DNAJC18: variants seen among roughly 807,000 people sequenced by gnomAD.
DNAJC18 encodes dnaJ homolog subfamily C member 18.
Under a neutral mutation model 48.6 loss-of-function variants are expected in DNAJC18, and 40 were observed. That is an observed-to-expected ratio of 0.82 (90% CI 0.64 to 1.07). DNAJC18 has a LOEUF of 1.07. DNAJC18 is among the 50% of genes least tolerant of loss of function. The pLI, the probability that DNAJC18 is intolerant of heterozygous loss-of-function variation, is 0.00. For synonymous variants in DNAJC18, 135 were observed against 152.2 expected (o/e 0.89, Z 0.83); for missense variants, 340 against 427.7 (o/e 0.79, Z 1.81).
At chr5:139,424,628 G>A (rs1759205413) in intron 5 of DNAJC18, among the ~76,000 whole-genome samples, 1 of 149,712 alleles carries the variant, frequency 6.7e-6, no homozygotes, top group Admixed American at 6.7e-5. Flanking sequence ...GCTGAGGTGG[G>A]AGGATTGGTT....
At chr5:139,429,147 G>A (rs972488955) in intron 2 of DNAJC18, among the ~76,000 whole-genome samples, 4 of 146,276 alleles carry the variant, frequency 2.7e-5, no homozygotes, top group African/African-American at 1.0e-4. Flanking sequence ...GCAATGGCGC[G>A]ATCTCAGCTC....
At chr5:139,420,844 G>A (rs932284700) in intron 6 of DNAJC18, among the ~76,000 whole-genome samples, 12 of 151,808 alleles carry the variant, frequency 7.9e-5, no homozygotes, top group Non-Finnish European at 1.2e-4. Context: ...CTAACCATAA[G>A]GAAACATAGA....
intron 2 of DNAJC18, among the ~76,000 whole-genome samples, chr5:139,435,632 T>G (rs543800492): frequency 6.6e-6 from 1 of 151,682 alleles, no homozygotes; most frequent in East Asian, 1.9e-4. Flanking sequence ...TATTTTTGTC[T>G]GGTTTTGGTT....
rs1759018363 is a variant in DNAJC18 at position 139,413,162 on chromosome 5, C to G, written c.*986G>C. On this transcript the variant is annotated 3_prime_UTR_variant, in exon 8 of 8. Transcript: ENST00000302060. The stretch of plus-strand genomic sequence containing the variant: ...ATGTTGAATGAATGAAAAATCATCT[C>G]AAATCACAAACTATAGGATACTGGG... 1 of 340,494 alleles carries G rather than the reference C, an allele frequency of 2.9e-6. No individual in the cohort carries two copies. Among genetic ancestry groups the G allele is most frequent in the South Asian group, 1.5e-4 (1 of 6,508 alleles). 21.1% of individuals were successfully genotyped at this position (340,494 alleles called of 1,614,324 possible). A position where few individuals can be genotyped will look rare whatever the true frequency, so the allele number is the denominator to read the frequency against.
intron 2 of DNAJC18, among the ~76,000 whole-genome samples, chr5:139,434,606 G>A (rs1561470035): frequency 1.3e-5 from 2 of 152,124 alleles, no homozygotes; most frequent in African/African-American, 2.4e-5. Context: ...ACAGGCATGA[G>A]CCACCACACC....
intron 2 of DNAJC18, among the ~76,000 whole-genome samples, chr5:139,434,799 A>G (rs1417627194): frequency 6.6e-6 from 1 of 152,038 alleles, no homozygotes; most frequent in Non-Finnish European, 1.5e-5. Context: ...TTACAAGATC[A>G]TGTCATCTGT....
At chr5:139,416,592 C>G (rs915938184) in intron 7 of DNAJC18, among the ~76,000 whole-genome samples, 6 of 152,260 alleles carry the variant, frequency 3.9e-5, no homozygotes, top group Non-Finnish European at 5.9e-5. Flanking sequence ...ACACCCATAC[C>G]ATCTTCCATA....
At position 139,437,363 on chromosome 5, in the gene DNAJC18, C is replaced by T. The variant is rs776836380; in HGVS notation, c.227+9G>A. The T allele has an allele frequency of 5.0e-6, 8 of 1,598,102 alleles. No homozygotes were observed. The East Asian group carries it at 1.3e-4, about 27-fold the overall frequency. ...TAAAATCACTCATTTAATCTCACCACATGCTCACCTTTGTACCCCAAGCAG... is the reference window on the plus strand; with the variant it reads ...TAAAATCACTCATTTAATCTCACCATATGCTCACCTTTGTACCCCAAGCAG... On this transcript the variant is annotated intron_variant, in intron 2 of 7. Coordinates refer to ENST00000302060, the MANE Select transcript of DNAJC18 (RefSeq NM_152686.4).
In DNAJC18 at chr5:139,414,211, C is replaced by T. The variant is rs1395921702; in HGVS notation, c.1014G>A (p.Glu338=). The T allele has an allele frequency of 4.3e-6, 7 of 1,614,226 alleles. No homozygotes were observed. The East Asian group carries it at 1.6e-4, about 36-fold the overall frequency. Residue 338 remains glutamate (E), a synonymous_variant, in exon 8 of 8, where the codon GAG becomes GAA. Transcript: ENST00000302060. ...TCTCACAGTTTTCAAGTTTCAGCGA[C>T]TCTGCTTTCTGTTTCAATCGTTCAT... ...YRDERLKQKA[E]SLKLENCEKL...
chr5:139,427,852 G>A (rs1290443912), intron 3 of DNAJC18, among the ~76,000 whole-genome samples: 1 of 152,140 alleles, frequency 6.6e-6, no homozygotes, highest in Non-Finnish European at 1.5e-5. Context: ...CATATTGATT[G>A]TTTCCTCATT....
chr5:139,431,893 T>C (rs1017022815), intron 2 of DNAJC18, among the ~76,000 whole-genome samples: 1 of 152,216 alleles, frequency 6.6e-6, no homozygotes. Context: ...AGTGGGTATA[T>C]CTCATTGTGG....
At position 139,414,053 on chromosome 5, in the gene DNAJC18, T is replaced by C; in HGVS notation, c.*95A>G. On this transcript the variant is annotated 3_prime_UTR_variant, in exon 8 of 8. Transcript: ENST00000302060. The stretch of plus-strand genomic sequence containing the variant: ...AACGAAGTTAGCAAATAGTAAAGTG[T>C]TCATCATTACCTAGTTTTGTATTAT... 5 of 1,510,870 alleles carry C rather than the reference T, an allele frequency of 3.3e-6. No individual in the cohort carries two copies. The highest frequency in any genetic ancestry group is 4.4e-6 in the Non-Finnish European group (5 of 1,128,426). 93.6% of individuals were successfully genotyped at this position (1,510,870 alleles called of 1,614,324 possible).
chr5:139,430,082 CTGATA>C (rs1240933824), intron 2 of DNAJC18, among the ~76,000 whole-genome samples: 1 of 152,084 alleles, frequency 6.6e-6, no homozygotes, highest in Non-Finnish European at 1.5e-5. Context: ...TTAAAAATTA[CTGATA>C]TGCATGGTAC....
intron 2 of DNAJC18, among the ~76,000 whole-genome samples, chr5:139,435,946 A>G (rs1348562394): frequency 6.7e-6 from 1 of 149,062 alleles, no homozygotes; most frequent in Non-Finnish European, 1.5e-5. Flanking sequence ...CTGGTCTTGA[A>G]CTCCTGGGCT....
chr5:139,410,609 A>G lies in DNAJC18; in HGVS notation c.*3539T>C, dbSNP rs150346488. On this transcript the variant is annotated 3_prime_UTR_variant, in exon 8 of 8. Coordinates refer to ENST00000302060, the MANE Select transcript of DNAJC18 (RefSeq NM_152686.4). ...GCATGCAGATGATGTACTTGCTTGT[A>G]TGGTGTGGCCAGCTGTAACAGAAAG... The G allele has an allele frequency of 6.6e-6, 1 of 152,342 alleles. No individual in the cohort carries two copies. The highest frequency in any genetic ancestry group is 1.5e-5 in the Non-Finnish European group (1 of 68,036). 9.4% of individuals were successfully genotyped at this position (152,342 alleles called of 1,614,324 possible).
chr5:139,437,760 C>G (rs950013629), intron 1 of DNAJC18, among the ~76,000 whole-genome samples: 5 of 152,190 alleles, frequency 3.3e-5, no homozygotes, highest in African/African-American at 1.2e-4. Context: ...AGAAGAGACA[C>G]TGCTCGTAAA....
At chr5:139,429,499 C>T (rs745411047) in intron 2 of DNAJC18, among the ~76,000 whole-genome samples, 39 of 152,272 alleles carry the variant, frequency 2.6e-4, no homozygotes, top group Middle Eastern at 3.4e-3. Context: ...AGTTTCCCAC[C>T]ACAGGGATAA....
intron 4 of DNAJC18, 58 bp from the exon 5 acceptor site, chr5:139,425,172 T>C (rs1211462529): frequency 3.5e-6 from 5 of 1,447,844 alleles, no homozygotes; most frequent in Middle Eastern, 4.1e-4. Context: ...GCCTTTTTCT[T>C]TTTTTTTTGG....
intron 2 of DNAJC18, among the ~76,000 whole-genome samples, chr5:139,436,093 TC>T (rs2152085388): frequency 6.6e-6 from 1 of 151,978 alleles, no homozygotes; most frequent in East Asian, 1.9e-4. Flanking sequence ...CTTTTTTTTT[TC>T]TTTTTCTTTT....
Sources: gnomAD v4.1 joint callset for allele counts (sites outside exome capture counted in the v4.1 genomes callset) on GRCh38, gnomAD v4.1.1 for gene constraint, MANE v1.5 for transcripts, NCBI Gene and HGNC (gene_info 2026-07-23, HGNC 2026-07-21) for gene names.